Variants in RNF115 observed in about 807,000 individuals in gnomAD.
RNF115 encodes E3 ubiquitin-protein ligase RNF115.
Under a neutral mutation model 39.2 loss-of-function variants are expected in RNF115, and 31 were observed. The ratio of observed to expected loss-of-function variants is 0.79; its 90% CI spans 0.59 to 1.07. The LOEUF is 1.07. Ranked by LOEUF, RNF115 falls within the 50% of genes least tolerant of loss-of-function variation. RNF115 has a pLI of 0.00. For synonymous variants in RNF115, 124 were observed against 131.0 expected (o/e 0.95, Z 0.37); for missense variants, 384 against 381.7 (o/e 1.01, Z -0.05).
At chr1:145,793,846 T>C (rs1381506635) in intron 1 of RNF115, among the ~76,000 whole-genome samples, 4 of 148,504 alleles carry the variant, frequency 2.7e-5, no homozygotes, top group Non-Finnish European at 4.5e-5. Flanking sequence ...CTCTTTCTTT[T>C]TTTTTTTTTT....
chr1:145,752,989 G>T lies in RNF115; in HGVS notation c.489C>A (p.His163Gln). Residue 163 changes from histidine (H) to glutamine (Q), a missense_variant, in exon 5 of 9, where the codon CAC becomes CAA. His to Gln is a conservative substitution (Grantham distance 24, BLOSUM62 0). Transcript: ENST00000582693. Reference sequence around the variant, plus strand: ...AATTAGTTACTTACCAGGAAAAAGGGTGTGGAGATCCAGGAATGGCAGAAT... The same window carrying T: ...AATTAGTTACTTACCAGGAAAAAGGTTGTGGAGATCCAGGAATGGCAGAAT... ...FANSAIPGSP[H>Q]PFSWSGMLHS... 6.2e-7 allele frequency: 1 copy of T among 1,603,676 alleles called. No individual in the cohort carries two copies. Among genetic ancestry groups the T allele is most frequent in the Non-Finnish European group, 8.5e-7 (1 of 1,170,624 alleles).
intron 3 of RNF115, among the ~76,000 whole-genome samples, chr1:145,775,594 T>G (rs1647846678): frequency 6.6e-6 from 1 of 151,960 alleles, no homozygotes; most frequent in African/African-American, 2.4e-5. Flanking sequence ...AGAGATAAGG[T>G]CTAATTTTGT....
intron 1 of RNF115, among the ~76,000 whole-genome samples, chr1:145,790,575 G>C (rs1417441297): frequency 2.0e-5 from 3 of 151,604 alleles, no homozygotes; most frequent in African/African-American, 7.3e-5. Flanking sequence ...TGGGATTATA[G>C]GCACCTGCCA....
At chr1:145,761,614 A>C (rs1197137598) in intron 4 of RNF115, among the ~76,000 whole-genome samples, 1 of 152,236 alleles carries the variant, frequency 6.6e-6, no homozygotes, top group African/African-American at 2.4e-5. Context: ...AGATGTATGG[A>C]AACACCCGGA....
chr1:145,793,490 CCT>C (rs1371748068), intron 1 of RNF115, among the ~76,000 whole-genome samples: 1 of 151,578 alleles, frequency 6.6e-6, no homozygotes, highest in African/African-American at 2.4e-5. Flanking sequence ...CTTCTCTCTC[CCT>C]CTCTCACTCA....
At chr1:145,791,208 G>A (rs1252842635) in intron 1 of RNF115, among the ~76,000 whole-genome samples, 1 of 151,746 alleles carries the variant, frequency 6.6e-6, no homozygotes, top group Non-Finnish European at 1.5e-5. Context: ...TTTTTACTGT[G>A]TACATACAAA....
At chr1:145,776,352 T>C (rs1459494993) in intron 3 of RNF115, among the ~76,000 whole-genome samples, 2 of 151,624 alleles carry the variant, frequency 1.3e-5, no homozygotes, top group Admixed American at 6.6e-5. Context: ...TCAGTAGAGA[T>C]GGGGTTTCAC....
chr1:145,790,348 C>T (rs1648605733), intron 1 of RNF115, among the ~76,000 whole-genome samples: 1 of 151,984 alleles, frequency 6.6e-6, no homozygotes, highest in African/African-American at 2.4e-5. Flanking sequence ...CCATGTTGGT[C>T]AGGCTGGTCT....
chr1:145,753,169 A>C (rs1658162246), intron 4 of RNF115, 120 bp from the exon 5 acceptor site: 2 of 642,896 alleles, frequency 3.1e-6, no homozygotes, highest in African/African-American at 1.8e-5. Context: ...ATTGGCTAGT[A>C]CACAAGAGAC....
chr1:145,746,753 G>A lies in RNF115; in HGVS notation c.*113C>T. ...AAAACATTCATTGCATTTATATTAT[G>A]TGTTGAGTTTCTTACATATTCCTAA... is the stretch of plus-strand genomic sequence containing the variant. On this transcript the variant is annotated 3_prime_UTR_variant, in exon 9 of 9. Transcript: ENST00000582693. 7 of 975,150 alleles carry A rather than the reference G, an allele frequency of 7.2e-6. No homozygotes were observed. Among genetic ancestry groups the A allele is most frequent in the Non-Finnish European group, 1.1e-5 (7 of 661,852 alleles). The allele number at this position is 975,150 out of a possible 1,614,324, so 60.4% of individuals were successfully genotyped here. A position where few individuals can be genotyped will look rare whatever the true frequency, so the allele number is the denominator to read the frequency against.
At chr1:145,777,287 C>A (rs188784625) in intron 3 of RNF115, among the ~76,000 whole-genome samples, 1 of 152,120 alleles carries the variant, frequency 6.6e-6, no homozygotes, top group Non-Finnish European at 1.5e-5. Flanking sequence ...GTTCATAATA[C>A]TCTGCTTTGA....
Position 145,746,712 on chromosome 1 carries a change from T to C in RNF115, c.*154A>G. 4 of 740,888 alleles carry C rather than the reference T, an allele frequency of 5.4e-6. No individual in the cohort carries two copies. The highest frequency in any genetic ancestry group is 4.4e-5 in the South Asian group (2 of 45,140). The allele number at this position is 740,888 out of a possible 1,614,324, so 45.9% of individuals were successfully genotyped here. On this transcript the variant is annotated 3_prime_UTR_variant, in exon 9 of 9. Coordinates refer to ENST00000582693, the MANE Select transcript of RNF115 (RefSeq NM_014455.4). ...ACAATTCCATCTGTAGATACTAACT[T>C]TAAATTTAAAGAAGAAAAACATTCA...
rs1657858861 is a variant in RNF115 at position 145,745,962 on chromosome 1, C to T, written c.*904G>A. The stretch of plus-strand genomic sequence containing the variant: ...AAATAAGAGGCCAGGCGCAGTGGCT[C>T]ACGCCTGTAATCCCAGCACTTTGGG... On this transcript the variant is annotated 3_prime_UTR_variant, in exon 9 of 9. Transcript: ENST00000582693. The T allele has an allele frequency of 6.6e-6, 1 of 151,398 alleles. No homozygotes were observed. The highest frequency in any genetic ancestry group is 2.1e-4 in the South Asian group (1 of 4,806). The allele number at this position is 151,398 out of a possible 1,614,324, so 9.4% of individuals were successfully genotyped here. A position where few individuals can be genotyped will look rare whatever the true frequency, so the allele number is the denominator to read the frequency against.
intron 1 of RNF115, among the ~76,000 whole-genome samples, chr1:145,804,497 ATG>A (rs1203370215): frequency 3.0e-5 from 2 of 66,760 alleles, no homozygotes; most frequent in Non-Finnish European, 5.5e-5. Flanking sequence ...GCATGCATGC[ATG>A]CACACACACA....
chr1:145,800,966 C>T (rs587709418), intron 1 of RNF115, among the ~76,000 whole-genome samples: 1 of 151,994 alleles, frequency 6.6e-6, no homozygotes, highest in East Asian at 1.9e-4. Context: ...GTCAGGAGAT[C>T]GAGACCATCC....
chr1:145,799,655 G>A (rs1216309535), intron 1 of RNF115, among the ~76,000 whole-genome samples: 1 of 152,134 alleles, frequency 6.6e-6, no homozygotes, highest in African/African-American at 2.4e-5. Context: ...TGCCCATTCT[G>A]AAGTGATATG....
intron 3 of RNF115, among the ~76,000 whole-genome samples, chr1:145,779,127 T>A (rs1179690154): frequency 6.6e-6 from 1 of 152,088 alleles, no homozygotes; most frequent in Non-Finnish European, 1.5e-5. Context: ...TAACACAGGA[T>A]AATAGTTTAA....
intron 5 of RNF115, among the ~76,000 whole-genome samples, chr1:145,752,555 A>T: frequency 6.8e-6 from 1 of 147,862 alleles, no homozygotes. Flanking sequence ...AGCAGCCTCC[A>T]GTTACATCTA....
At position 145,813,726 on chromosome 1, in the gene RNF115, T is replaced by C. The variant is rs1350120728; in HGVS notation, c.102+10046A>G. 6.6e-5 allele frequency among the ~76,000 whole-genome samples: 10 copies of C among 151,598 alleles called. No homozygotes were observed. The East Asian group carries it at 1.9e-3, about 29-fold the overall frequency. On this transcript the variant is annotated intron_variant, in intron 1 of 8. Coordinates refer to ENST00000582693, the MANE Select transcript of RNF115 (RefSeq NM_014455.4). ...CGGTCTCAATTTTCTTACTGAAAATTCACTGGGATCCCAAAATTAAAAATC... is the reference window on the plus strand; with the variant it reads ...CGGTCTCAATTTTCTTACTGAAAATCCACTGGGATCCCAAAATTAAAAATC...
Sources: allele counts gnomAD v4.1 joint callset (sites outside exome capture counted in the v4.1 genomes callset), GRCh38; gene constraint gnomAD v4.1.1; transcripts MANE v1.5; gene names NCBI Gene and HGNC (gene_info 2026-07-23, HGNC 2026-07-21).